AJAP1: variants seen among roughly 807,000 people sequenced by gnomAD.
AJAP1 encodes adherens junctions associated protein 1.
A neutral mutation model predicts 35.0 loss-of-function variants in AJAP1; 5 were observed. The ratio of observed to expected loss-of-function variants is 0.14; its 90% confidence interval spans 0.07 to 0.30. The LOEUF is 0.30. AJAP1 is among the 10% of genes least tolerant of loss of function. AJAP1 has a pLI of 1.00. For missense variants in AJAP1, 586 were observed against 571.0 expected (o/e 1.03, Z -0.27); for synonymous variants, 284 against 249.3 (o/e 1.14, Z -1.31).
At chr1:4,683,555 TTC>T (rs1217645129) in intron 1 of AJAP1, among the ~76,000 whole-genome samples, 3 of 152,200 alleles carry the variant, frequency 2.0e-5, no homozygotes, top group Non-Finnish European at 4.4e-5. Flanking sequence ...ACCTCAGACA[TTC>T]AGGAAAGCAA....
Position 4,656,120 on chromosome 1 carries a change from C to G in AJAP1, c.29+666C>G, listed in dbSNP as rs1009473678. Among the ~76,000 whole-genome samples, 1 of 151,502 alleles carries G rather than the reference C, an allele frequency of 6.6e-6. No individual in the cohort carries two copies. ...CCACCCCGCTGTAAACACACACGCA[C>G]ATACGCCCGCCGGCGCGCCCGGGGC... is the stretch of plus-strand genomic sequence containing the variant. On this transcript the variant is annotated intron_variant, in intron 1 of 5. Transcript: ENST00000378191. The surrounding 1 kb of genome is among the most constrained non-coding windows in gnomAD (Gnocchi z 5.7).
Position 4,681,269 on chromosome 1 carries a change from G to A in AJAP1, c.29+25815G>A, listed in dbSNP as rs149217546. 6.2e-3 allele frequency among the ~76,000 whole-genome samples: 950 copies of A among 152,324 alleles called. 7 individuals carry two copies. The highest frequency in any genetic ancestry group is 0.021 in the African/African-American group (869 of 41,578). ...TGGAAGCCCGTGTTTTCAGCAGCAC[G>A]GACAGTGTGCAAAATTGCCACAGAC... On this transcript the variant is annotated intron_variant, in intron 1 of 5. Coordinates refer to ENST00000378191, the MANE Select transcript of AJAP1 (RefSeq NM_018836.4).
chr1:4,745,344 CA>C (rs1230760894), intron 2 of AJAP1, among the ~76,000 whole-genome samples: 1 of 151,974 alleles, frequency 6.6e-6, no homozygotes, highest in African/African-American at 2.4e-5. Context: ...AGGGAGGGGA[CA>C]GGTCTCCAGG....
chr1:4,774,297 A>T, intron 4 of AJAP1, 130 bp from the exon 5 acceptor site: 1 of 779,766 alleles, frequency 1.3e-6, no homozygotes, highest in South Asian at 1.6e-5. Context: ...CTTCCTGGCA[A>T]GGCCAGGAGT....
intron 3 of AJAP1, among the ~76,000 whole-genome samples, chr1:4,770,374 T>G (rs1641808447): frequency 6.6e-6 from 1 of 152,186 alleles, no homozygotes; most frequent in Admixed American, 6.5e-5. Context: ...CCAGCCCTGT[T>G]TGTATTCTTC....
intron 2 of AJAP1, among the ~76,000 whole-genome samples, chr1:4,766,737 G>A (rs1235860573): frequency 6.6e-6 from 1 of 152,228 alleles, no homozygotes; most frequent in Non-Finnish European, 1.5e-5. Flanking sequence ...GACAGAATGT[G>A]CAGGTGTGTG....
chr1:4,691,650 G>A (rs1639741987), intron 1 of AJAP1, among the ~76,000 whole-genome samples: 1 of 152,146 alleles, frequency 6.6e-6, no homozygotes, highest in Admixed American at 6.5e-5. Flanking sequence ...CCATCGGATG[G>A]CAAAAGCGAC....
At chr1:4,691,088 G>A (rs780313607) in intron 1 of AJAP1, among the ~76,000 whole-genome samples, 4 of 152,200 alleles carry the variant, frequency 2.6e-5, no homozygotes, top group Non-Finnish European at 4.4e-5. Flanking sequence ...AACACAGGCT[G>A]ATGCACTGTA....
At chr1:4,689,725 G>A (rs1212728075) in intron 1 of AJAP1, among the ~76,000 whole-genome samples, 1 of 152,238 alleles carries the variant, frequency 6.6e-6, no homozygotes, top group Admixed American at 6.5e-5. Context: ...GAGCACGAGC[G>A]TGAACCCGCT....
intron 2 of AJAP1, among the ~76,000 whole-genome samples, chr1:4,741,358 C>G (rs990458612): frequency 2.0e-5 from 3 of 152,068 alleles, no homozygotes; most frequent in African/African-American, 7.2e-5. Context: ...AGGGGAGGAC[C>G]CTTCCCGGCC....
rs1324720187 is a variant in AJAP1, at chr1:4,723,662, C to G, written c.829+10963C>G. On this transcript the variant is annotated intron_variant, in intron 2 of 5. Transcript: ENST00000378191. The surrounding 1 kb of genome is among the most constrained non-coding windows in gnomAD (Gnocchi z 4.3). ...GATGGAAGGGAGACGGGAGGTGAGC[C>G]GCAGATGCAGTGGGTGGAGCTGAAT... Among the ~76,000 whole-genome samples the G allele has an allele frequency of 6.6e-6, 1 of 152,056 alleles. No homozygotes were observed.
Position 4,755,548 on chromosome 1 carries a change from C to T in AJAP1, c.830-14305C>T, listed in dbSNP as rs528778662. On this transcript the variant is annotated intron_variant, in intron 2 of 5. Coordinates refer to ENST00000378191, the MANE Select transcript of AJAP1 (RefSeq NM_018836.4). ...GATTAAGCTGCCCCCACCCCCACCC[C>T]CTGCCTGCCCATGGACTCAGTCTAG... 2.4e-4 allele frequency among the ~76,000 whole-genome samples: 36 copies of T among 152,232 alleles called. 1 individual carries two copies. The East Asian group carries it at 6.0e-3, about 25-fold the overall frequency.
chr1:4,700,235 A>G (rs1639955331), intron 1 of AJAP1, among the ~76,000 whole-genome samples: 1 of 152,098 alleles, frequency 6.6e-6, no homozygotes, highest in African/African-American at 2.4e-5. Flanking sequence ...CACATGCTGT[A>G]TCTCGGGTTG....
intron 5 of AJAP1, among the ~76,000 whole-genome samples, chr1:4,777,094 A>ATTC (rs889069377): frequency 1.3e-5 from 2 of 152,232 alleles, no homozygotes; most frequent in African/African-American, 4.8e-5. Context: ...AAGCGTTGGG[A>ATTC]TTCTAAGTAT....
rs756440866 is a variant in AJAP1 at position 4,655,483 on chromosome 1, T to TGTGGGCGC, written c.29+35_29+42dup. On this transcript the variant is annotated intron_variant, in intron 1 of 5. Coordinates refer to ENST00000378191, the MANE Select transcript of AJAP1 (RefSeq NM_018836.4). This position sits in a 1 kb window ranked among gnomAD's most constrained non-coding sequence, Gnocchi z 6.9. Reference sequence around the variant, plus strand: ...AGCGACCCGGCCGGCGCCGGGTGCGTGTGGGCGCGTGGGTGCCAGGCTGGG... The same window carrying TGTGGGCGC: ...AGCGACCCGGCCGGCGCCGGGTGCGTGTGGGCGCGTGGGCGCGTGGGTGCCAGGCTGGG... 7.7e-5 allele frequency: 120 copies of TGTGGGCGC among 1,562,028 alleles called. No homozygotes were observed. In the African/African-American group the frequency reaches 1.6e-3, roughly 21 times the overall value.
chr1:4,657,305 T>C (rs1638903358), intron 1 of AJAP1, among the ~76,000 whole-genome samples: 1 of 152,156 alleles, frequency 6.6e-6, no homozygotes, highest in African/African-American at 2.4e-5. Context: ...CCTTTCGTTT[T>C]TCCCCCCTCG....
In AJAP1 at chr1:4,791,597, A is replaced by T. The variant is rs1405194422; in HGVS notation, c.*9112A>T. On this transcript the variant is annotated 3_prime_UTR_variant, in exon 6 of 6. Coordinates refer to ENST00000378191, the MANE Select transcript of AJAP1 (RefSeq NM_018836.4). ...TCATGCACTAAACTTCCCATTGATC[A>T]TTAGAGTGTCTACGATTAAGTGGAA... 1 of 152,222 alleles carries T rather than the reference A, an allele frequency of 6.6e-6. No individual in the cohort carries two copies. The highest frequency in any genetic ancestry group is 1.5e-5 in the Non-Finnish European group (1 of 68,040). 9.4% of individuals were successfully genotyped at this position (152,222 alleles called of 1,614,324 possible).
intron 1 of AJAP1, among the ~76,000 whole-genome samples, chr1:4,676,186 T>G (rs1198841521): frequency 6.6e-6 from 1 of 152,160 alleles, no homozygotes; most frequent in Admixed American, 6.5e-5. Flanking sequence ...TGCCTCCTCG[T>G]GTCATTTTTG....
intron 1 of AJAP1, 83 bp from the exon 2 acceptor site, chr1:4,711,816 CG>C (rs1188724414): frequency 1.8e-6 from 2 of 1,097,092 alleles, no homozygotes; most frequent in South Asian, 1.9e-5. Flanking sequence ...TGTCACAGCG[CG>C]GGGTGGAGAG....
Sources: gnomAD v4.1 joint callset for allele counts (sites outside exome capture counted in the v4.1 genomes callset) on GRCh38, gnomAD v4.1.1 for gene constraint, Gnocchi (gnomAD v3.1) non-coding constraint, MANE v1.5 for transcripts, NCBI Gene and HGNC (gene_info 2026-07-23, HGNC 2026-07-21) for gene names.